The following PGCKA1 variants were observed in gnomAD, a reference collection of about 807,000 sequenced individuals.
PGCKA1 encodes the protein PDCD10 and GCKIII kinases-associated protein 1.
chr4:37,485,415 G>C, the PGCKA1 span, among the ~76,000 whole-genome samples: 1 of 152,106 alleles, frequency 6.6e-6, no homozygotes, highest in Non-Finnish European at 1.5e-5. Flanking sequence ...AAAGGGATGA[G>C]TTTGGCTCCC....
the PGCKA1 span, among the ~76,000 whole-genome samples, chr4:37,585,772 G>C: frequency 2.4e-4 from 36 of 152,092 alleles, no homozygotes; most frequent in Non-Finnish European, 3.7e-4. Flanking sequence ...CTTTAGAAAT[G>C]GGGTAGTTTA....
the PGCKA1 span, among the ~76,000 whole-genome samples, chr4:37,514,020 A>T: frequency 6.6e-6 from 1 of 152,204 alleles, no homozygotes; most frequent in South Asian, 2.1e-4. Flanking sequence ...TAATGAACAG[A>T]AATTCATTGG....
chr4:37,493,062 GTA>G, the PGCKA1 span, among the ~76,000 whole-genome samples: 1 of 152,118 alleles, frequency 6.6e-6, no homozygotes, highest in Middle Eastern at 3.4e-3. Context: ...ATATATATAT[GTA>G]TATGCGTCTA....
At chr4:37,460,387 G>T in the PGCKA1 span, 1 of 289,512 alleles carries the variant, frequency 3.5e-6, no homozygotes, top group South Asian at 3.0e-5. Flanking sequence ...GGTATTTCTG[G>T]TTCTAGATCC....
At chr4:37,583,211 A>G in the PGCKA1 span, among the ~76,000 whole-genome samples, 1 of 152,140 alleles carries the variant, frequency 6.6e-6, no homozygotes, top group Non-Finnish European at 1.5e-5. Flanking sequence ...CTTCAAAGCT[A>G]TCACTATTTA....
At chr4:37,565,764 T>C in the PGCKA1 span, among the ~76,000 whole-genome samples, 2 of 152,134 alleles carry the variant, frequency 1.3e-5, no homozygotes, top group African/African-American at 4.8e-5. Context: ...CTTGATGGGA[T>C]TGAAGGATGC....
the PGCKA1 span, among the ~76,000 whole-genome samples, chr4:37,536,401 G>A: frequency 6.6e-6 from 1 of 152,040 alleles, no homozygotes; most frequent in Non-Finnish European, 1.5e-5. Flanking sequence ...GACAGTTTCT[G>A]TAGGCCAGGA....
the PGCKA1 span, among the ~76,000 whole-genome samples, chr4:37,487,983 G>A: frequency 6.6e-6 from 1 of 152,022 alleles, no homozygotes; most frequent in Non-Finnish European, 1.5e-5. Context: ...TCAGTTTGGG[G>A]CTATTATGAA....
chr4:37,528,043 C>T, the PGCKA1 span, among the ~76,000 whole-genome samples: 4 of 152,074 alleles, frequency 2.6e-5, no homozygotes, highest in East Asian at 1.9e-4. Context: ...GTAGTGTGAC[C>T]GTACAAACAT....
the PGCKA1 span, among the ~76,000 whole-genome samples, chr4:37,508,759 G>A: frequency 6.8e-6 from 1 of 147,228 alleles, no homozygotes; most frequent in African/African-American, 2.5e-5. Context: ...GGACAATAGT[G>A]GAGGGAAGGT....
the PGCKA1 span, among the ~76,000 whole-genome samples, chr4:37,506,385 T>C: frequency 6.6e-6 from 1 of 152,106 alleles, no homozygotes; most frequent in Non-Finnish European, 1.5e-5. Flanking sequence ...ATGTTTTTCT[T>C]TTTTGTTGAT....
the PGCKA1 span, among the ~76,000 whole-genome samples, chr4:37,546,848 G>C: frequency 3.4e-4 from 52 of 152,352 alleles, no homozygotes; most frequent in African/African-American, 1.2e-3. Context: ...CGCCACAGCA[G>C]CACGTAGCAG....
the PGCKA1 span, among the ~76,000 whole-genome samples, chr4:37,541,360 T>C: frequency 6.6e-6 from 1 of 152,188 alleles, no homozygotes; most frequent in East Asian, 1.9e-4. Context: ...TTTCAGTAAA[T>C]GCTGGTGCCC....
At chr4:37,487,762 G>A in the PGCKA1 span, among the ~76,000 whole-genome samples, 3 of 151,982 alleles carry the variant, frequency 2.0e-5, no homozygotes, top group Non-Finnish European at 4.4e-5. Flanking sequence ...TCACACATTT[G>A]TATGATTACA....
the PGCKA1 span, among the ~76,000 whole-genome samples, chr4:37,493,817 G>C: frequency 2.0e-5 from 3 of 152,094 alleles, no homozygotes; most frequent in Non-Finnish European, 4.4e-5. Flanking sequence ...AATAGGTGAC[G>C]ACATGTGAAG....
chr4:37,523,094 T>A, the PGCKA1 span, among the ~76,000 whole-genome samples: 2 of 152,166 alleles, frequency 1.3e-5, no homozygotes, highest in Non-Finnish European at 2.9e-5. Context: ...CTTTCAAGTT[T>A]ACTGGGAGAC....
chr4:37,490,588 G>A, the PGCKA1 span, among the ~76,000 whole-genome samples: 6 of 152,096 alleles, frequency 3.9e-5, no homozygotes, highest in Non-Finnish European at 7.4e-5. Context: ...ATCACCATAC[G>A]TCACACACAA....
the PGCKA1 span, among the ~76,000 whole-genome samples, chr4:37,513,708 T>C: frequency 6.6e-6 from 1 of 152,182 alleles, no homozygotes; most frequent in South Asian, 2.1e-4. Flanking sequence ...AGTCATTAGA[T>C]TTGGTGATTG....
chr4:37,511,199 A>G, the PGCKA1 span, among the ~76,000 whole-genome samples: 1 of 151,936 alleles, frequency 6.6e-6, no homozygotes, highest in Non-Finnish European at 1.5e-5. Flanking sequence ...ATTCCACCCC[A>G]CTGTGACAGA....
Sources: allele counts gnomAD v4.1 joint callset (sites outside exome capture counted in the v4.1 genomes callset), GRCh38; gene constraint gnomAD v4.1.1; transcripts MANE v1.5; gene names NCBI Gene and HGNC (gene_info 2026-07-23, HGNC 2026-07-21).